The following CPEB3 variants were observed in gnomAD, a reference collection of about 807,000 sequenced individuals.
The protein encoded by CPEB3 is cytoplasmic polyadenylation element binding protein 3, also known as cytoplasmic polyadenylation element-binding protein 3.
CPEB3 carries 20 observed loss-of-function variants against 67.2 expected under a neutral mutation model. The observed-to-expected ratio is 0.30, with a 90% CI of 0.21 to 0.43. The LOEUF (loss-of-function observed/expected upper bound fraction) is 0.43, where lower values mean the gene tolerates loss of function less well. CPEB3 is among the 20% of genes least tolerant of loss of function. The probability of loss-of-function intolerance (pLI) is 1.00; values close to 1 mark genes in which losing one functional copy is unlikely to be tolerated. For synonymous variants in CPEB3, 376 were observed against 393.1 expected (o/e 0.96, Z 0.51); for missense variants, 746 against 968.6 (o/e 0.77, Z 3.05).
intron 1 of CPEB3, among the ~76,000 whole-genome samples, chr10:92,255,452 T>C (rs1190976831): frequency 2.0e-5 from 3 of 152,202 alleles, no homozygotes; most frequent in Admixed American, 2.0e-4. Flanking sequence ...CTTTGTGCAT[T>C]CTTCATAAAA....
intron 1 of CPEB3, among the ~76,000 whole-genome samples, chr10:92,255,795 C>T (rs1187376974): frequency 6.6e-6 from 1 of 152,168 alleles, no homozygotes; most frequent in Non-Finnish European, 1.5e-5. Flanking sequence ...AGATACTGCT[C>T]TCCTGTATCT....
intron 9 of CPEB3, among the ~76,000 whole-genome samples, chr10:92,074,755 A>G (rs1842875999): frequency 6.6e-6 from 1 of 152,180 alleles, no homozygotes; most frequent in Admixed American, 6.5e-5. Flanking sequence ...ACATAATCAA[A>G]AGGTTTAAAG....
intron 7 of CPEB3, among the ~76,000 whole-genome samples, chr10:92,101,734 C>T (rs761091939): frequency 2.6e-5 from 4 of 152,100 alleles, no homozygotes; most frequent in Non-Finnish European, 5.9e-5. Flanking sequence ...TGGTGAAACC[C>T]CCATCTCTAC....
chr10:92,118,928 C>A, intron 6 of CPEB3: 2 of 1,158,018 alleles, frequency 1.7e-6, no homozygotes, highest in South Asian at 1.2e-5. Flanking sequence ...AGCCCTGTTA[C>A]TCCCTGGGAA....
chr10:92,218,259 T>C (rs908101471), intron 2 of CPEB3, among the ~76,000 whole-genome samples: 2 of 151,874 alleles, frequency 1.3e-5, no homozygotes, highest in African/African-American at 4.8e-5. Flanking sequence ...ATACAAAAAT[T>C]AGCCCAGAGT....
At chr10:92,103,021 G>A (rs1844267477) in intron 7 of CPEB3, among the ~76,000 whole-genome samples, 1 of 152,200 alleles carries the variant, frequency 6.6e-6, no homozygotes, top group South Asian at 2.1e-4. Context: ...CGTTTGGTGT[G>A]TAAACAAATG....
chr10:92,189,829 C>T (rs1253315795), intron 3 of CPEB3, among the ~76,000 whole-genome samples: 1 of 26,614 alleles, frequency 3.8e-5, no homozygotes, highest in Non-Finnish European at 6.6e-5. Flanking sequence ...CGCCCTGCCT[C>T]CAGTGATTTT....
chr10:92,103,959 T>C (rs1485447735), intron 7 of CPEB3, among the ~76,000 whole-genome samples: 2 of 152,226 alleles, frequency 1.3e-5, no homozygotes, highest in African/African-American at 4.8e-5. Context: ...TACCTAAGTT[T>C]TTCCTGGGAA....
rs1250352607 is a variant in CPEB3 at position 92,048,772 on chromosome 10, CA to C, written c.*3439del. The C allele has an allele frequency of 6.6e-6, 1 of 152,348 alleles. No homozygotes were observed. Among genetic ancestry groups the C allele is most frequent in the Non-Finnish European group, 1.5e-5 (1 of 68,006 alleles). 9.4% of individuals were successfully genotyped at this position (152,348 alleles called of 1,614,324 possible). A position where few individuals can be genotyped will look rare whatever the true frequency, so the allele number is the denominator to read the frequency against. ...AGTTAATACATAAAGCTTTGCATTT[CA>C]AAAAACTAGACACTTTAGTAACAAT... On this transcript the variant is annotated 3_prime_UTR_variant, in exon 10 of 10. Transcript: ENST00000265997. This position sits in a 1 kb window ranked among gnomAD's most constrained non-coding sequence, Gnocchi z 4.1.
chr10:92,188,191 G>T (rs1027411370), intron 3 of CPEB3, among the ~76,000 whole-genome samples: 1 of 151,486 alleles, frequency 6.6e-6, no homozygotes, highest in African/African-American at 2.4e-5. Flanking sequence ...GCAAGAACCT[G>T]TCTCAAAAAA....
intron 6 of CPEB3, among the ~76,000 whole-genome samples, chr10:92,117,840 G>T (rs1043623447): frequency 3.3e-5 from 5 of 151,860 alleles, no homozygotes; most frequent in Non-Finnish European, 5.9e-5. Context: ...TAGGCACTTT[G>T]CTAATAAATA....
chr10:92,052,771 G>C (rs1841947009), intron 9 of CPEB3, among the ~76,000 whole-genome samples: 1 of 152,218 alleles, frequency 6.6e-6, no homozygotes, highest in Non-Finnish European at 1.5e-5. Context: ...TTACATCAAA[G>C]GGTGCTGGGG....
intron 4 of CPEB3, among the ~76,000 whole-genome samples, chr10:92,172,936 T>A (rs1372373942): frequency 6.6e-6 from 1 of 152,192 alleles, no homozygotes; most frequent in Non-Finnish European, 1.5e-5. Context: ...TTAAAGCACA[T>A]CTTTTAGGAA....
intron 4 of CPEB3, among the ~76,000 whole-genome samples, chr10:92,164,997 C>G (rs762017667): frequency 2.6e-5 from 4 of 152,150 alleles, no homozygotes; most frequent in Non-Finnish European, 2.9e-5. Flanking sequence ...CTTATGGTTC[C>G]TAACCACTGT....
At chr10:92,238,795 C>T (rs1229497370) in intron 2 of CPEB3, among the ~76,000 whole-genome samples, 1 of 152,156 alleles carries the variant, frequency 6.6e-6, no homozygotes, top group Non-Finnish European at 1.5e-5. Flanking sequence ...ATTCTAGCAC[C>T]TTAGCGAGAC....
chr10:92,275,044 G>A (rs1841917235), intron 1 of CPEB3, among the ~76,000 whole-genome samples: 1 of 152,186 alleles, frequency 6.6e-6, no homozygotes, highest in Non-Finnish European at 1.5e-5. Context: ...CTCTGGGACA[G>A]CCACTACTTG....
At chr10:92,167,867 C>T (rs1847818389) in intron 4 of CPEB3, among the ~76,000 whole-genome samples, 1 of 151,900 alleles carries the variant, frequency 6.6e-6, no homozygotes, top group African/African-American at 2.4e-5. Context: ...GAGACTGCAC[C>T]ACTGCACTCC....
At chr10:92,262,760 TA>T (rs1852861635) in intron 1 of CPEB3, among the ~76,000 whole-genome samples, 1 of 152,162 alleles carries the variant, frequency 6.6e-6, no homozygotes, top group African/African-American at 2.4e-5. Flanking sequence ...TCCTCTGGAA[TA>T]AAATGGAGAT....
chr10:92,243,216 G>A (rs935789056), intron 1 of CPEB3: 8 of 152,094 alleles, frequency 5.3e-5, no homozygotes, highest in African/African-American at 1.9e-4. Context: ...AAAGTATACA[G>A]TATTTATTTT....
Sources: gnomAD v4.1 joint callset for allele counts (sites outside exome capture counted in the v4.1 genomes callset) on GRCh38, gnomAD v4.1.1 for gene constraint, Gnocchi (gnomAD v3.1) non-coding constraint, MANE v1.5 for transcripts, NCBI Gene and HGNC (gene_info 2026-07-23, HGNC 2026-07-21) for gene names.